The following FRMD5 variants were observed in gnomAD, a reference collection of about 807,000 sequenced individuals.
FRMD5 encodes the protein FERM domain-containing protein 5.
FRMD5 carries 20 observed loss-of-function variants against 69.0 expected under a neutral mutation model. The observed-to-expected ratio is 0.29, with a 90% CI of 0.20 to 0.42. The LOEUF is 0.42. Ranked by LOEUF, FRMD5 falls within the 10% of genes least tolerant of loss-of-function variation. FRMD5 has a pLI of 1.00. For missense variants in FRMD5, 595 were observed against 708.6 expected (o/e 0.84, Z 1.82); for synonymous variants, 271 against 260.1 (o/e 1.04, Z -0.40).
intron 1 of FRMD5, among the ~76,000 whole-genome samples, chr15:43,960,076 C>A (rs1316997340): frequency 3.9e-5 from 6 of 151,938 alleles, no homozygotes; most frequent in Non-Finnish European, 5.9e-5. Context: ...CGCCACCATG[C>A]CCAGCTAATT....
intron 1 of FRMD5, among the ~76,000 whole-genome samples, chr15:44,133,966 TAAAAG>T: frequency 6.6e-6 from 1 of 151,742 alleles, no homozygotes; most frequent in South Asian, 2.1e-4. Context: ...AAATCAAAAC[TAAAAG>T]AAAAGGAATA....
intron 1 of FRMD5, among the ~76,000 whole-genome samples, chr15:43,927,798 C>A (rs1454677356): frequency 6.6e-6 from 1 of 151,650 alleles, no homozygotes; most frequent in African/African-American, 2.4e-5. Context: ...GTTTTACGGG[C>A]TGAAGAAGTT....
At chr15:44,033,955 T>G (rs907356587) in intron 1 of FRMD5, among the ~76,000 whole-genome samples, 1 of 152,240 alleles carries the variant, frequency 6.6e-6, no homozygotes, top group Non-Finnish European at 1.5e-5. Flanking sequence ...CTTATTTATT[T>G]GATCTAGAGT....
At chr15:44,062,274 G>A (rs887313138) in intron 1 of FRMD5, among the ~76,000 whole-genome samples, 3 of 152,152 alleles carry the variant, frequency 2.0e-5, no homozygotes, top group Non-Finnish European at 4.4e-5. Context: ...CAAGTAAGTT[G>A]ATTATGAATA....
chr15:44,039,161 A>T (rs1892070546), intron 1 of FRMD5, among the ~76,000 whole-genome samples: 1 of 152,224 alleles, frequency 6.6e-6, no homozygotes, highest in African/African-American at 2.4e-5. Context: ...AAAAAAAGGC[A>T]ACAGCCTCAG....
chr15:44,128,574 T>A (rs924991039), intron 1 of FRMD5, among the ~76,000 whole-genome samples: 1 of 152,220 alleles, frequency 6.6e-6, no homozygotes, highest in Non-Finnish European at 1.5e-5. Flanking sequence ...ATGGTAGGCA[T>A]ACATCACTAG....
chr15:43,980,101 G>A (rs1280269527), intron 1 of FRMD5, among the ~76,000 whole-genome samples: 2 of 152,184 alleles, frequency 1.3e-5, no homozygotes, highest in East Asian at 3.8e-4. Context: ...TTGTAAGTGT[G>A]ATTTCCCTAG....
At chr15:44,111,382 A>T (rs1265150969) in intron 1 of FRMD5, among the ~76,000 whole-genome samples, 1 of 152,226 alleles carries the variant, frequency 6.6e-6, no homozygotes, top group Non-Finnish European at 1.5e-5. Context: ...ACGCATTTTC[A>T]GCAATTGTCA....
chr15:44,126,882 G>A (rs1435534208), intron 1 of FRMD5, among the ~76,000 whole-genome samples: 1 of 152,186 alleles, frequency 6.6e-6, no homozygotes, highest in Non-Finnish European at 1.5e-5. Flanking sequence ...GTCCAGTCAA[G>A]AGAACGTTAA....
chr15:44,096,206 C>CAAAAAA (rs1213347011), intron 1 of FRMD5, among the ~76,000 whole-genome samples: 5 of 47,862 alleles, frequency 1.0e-4, no homozygotes, highest in Non-Finnish European at 1.2e-4. Context: ...AACTCCATCT[C>CAAAAAA]AAAAAAAAAA....
At chr15:43,952,018 G>C (rs1469331609) in intron 1 of FRMD5, among the ~76,000 whole-genome samples, 3 of 150,132 alleles carry the variant, frequency 2.0e-5, no homozygotes, top group Non-Finnish European at 1.5e-5. Flanking sequence ...GTGTGTGTGT[G>C]TGTGTGTGTG....
intron 1 of FRMD5, among the ~76,000 whole-genome samples, chr15:44,175,838 G>A (rs1410737652): frequency 6.6e-6 from 1 of 152,094 alleles, no homozygotes; most frequent in East Asian, 1.9e-4. Context: ...AAAGCATTAT[G>A]CTTACACTGA....
At position 44,160,116 on chromosome 15, in the gene FRMD5, G is replaced by C. The variant is rs374947237; in HGVS notation, c.102+34837C>G. Among the ~76,000 whole-genome samples the C allele has an allele frequency of 2.4e-4, 37 of 152,376 alleles. 1 individual carries two copies. Among genetic ancestry groups the C allele is most frequent in the African/African-American group, 8.7e-4 (36 of 41,594 alleles). On this transcript the variant is annotated intron_variant, in intron 1 of 13. Coordinates refer to ENST00000417257, the MANE Select transcript of FRMD5 (RefSeq NM_032892.5). ...CGCCCATAATCCCAGCACTTTGGGAGGCTGAGGTGGGCAGATCACTTGAGG... is the reference window on the plus strand; with the variant it reads ...CGCCCATAATCCCAGCACTTTGGGACGCTGAGGTGGGCAGATCACTTGAGG...
intron 1 of FRMD5, among the ~76,000 whole-genome samples, chr15:44,062,593 A>C (rs1189669367): frequency 6.6e-6 from 1 of 150,864 alleles, no homozygotes; most frequent in Admixed American, 6.7e-5. Flanking sequence ...CGGGAAGCTG[A>C]GGCAGAGAAC....
At chr15:44,135,284 G>A (rs551342375) in intron 1 of FRMD5, among the ~76,000 whole-genome samples, 1 of 152,220 alleles carries the variant, frequency 6.6e-6, no homozygotes, top group African/African-American at 2.4e-5. Flanking sequence ...GAAAAGGAAA[G>A]GCAAATTTCA....
intron 1 of FRMD5, among the ~76,000 whole-genome samples, chr15:44,045,797 T>C (rs1407321216): frequency 6.6e-6 from 1 of 152,166 alleles, no homozygotes; most frequent in Non-Finnish European, 1.5e-5. Flanking sequence ...ACAATGCTGT[T>C]GTATCCTAAA....
chr15:43,925,494 A>G (rs2089568640), intron 1 of FRMD5, among the ~76,000 whole-genome samples: 1 of 152,246 alleles, frequency 6.6e-6, no homozygotes, highest in South Asian at 2.1e-4. Context: ...TGTCACTGCA[A>G]TGAATCTAAA....
At chr15:43,879,755 A>G in intron 13 of FRMD5, 1 of 398,352 alleles carries the variant, frequency 2.5e-6, no homozygotes, top group Non-Finnish European at 4.4e-6. Context: ...AGATACAGAG[A>G]GGCAAAGATG....
intron 7 of FRMD5, among the ~76,000 whole-genome samples, chr15:43,896,244 T>C (rs2088908733): frequency 6.6e-6 from 1 of 152,236 alleles, no homozygotes; most frequent in Admixed American, 6.5e-5. Context: ...TTGTTTTCAA[T>C]TTCTCATCCT....
Sources: allele counts gnomAD v4.1 joint callset (sites outside exome capture counted in the v4.1 genomes callset), GRCh38; gene constraint gnomAD v4.1.1; transcripts MANE v1.5; gene names NCBI Gene and HGNC (gene_info 2026-07-23, HGNC 2026-07-21).